Variants in GPR39 observed in about 807,000 individuals in gnomAD.
GPR39 encodes G protein-coupled receptor 39.
In GPR39, 23 loss-of-function variants were observed where a neutral mutation model predicts 18.4. That is an observed-to-expected ratio of 1.25 (90% CI 0.90 to 1.77). GPR39 has a LOEUF of 1.77. Among genes scored for constraint, GPR39 ranks in the 40% most tolerant of loss-of-function variants. The pLI, the probability that GPR39 is intolerant of heterozygous loss-of-function variation, is 0.00. For missense variants in GPR39, 647 were observed against 602.4 expected (o/e 1.07, Z -0.78); for synonymous variants, 280 against 257.9 (o/e 1.09, Z -0.82).
At chr2:132,479,472 T>A (rs982805732) in intron 1 of GPR39, among the ~76,000 whole-genome samples, 7 of 152,148 alleles carry the variant, frequency 4.6e-5, no homozygotes, top group African/African-American at 1.7e-4. Context: ...TATGGAGGAT[T>A]TGTGGAATGA....
rs200534049 is a variant in GPR39, at chr2:132,619,791, C to G, written c.857-25310C>G. 3.3e-5 allele frequency among the ~76,000 whole-genome samples: 5 copies of G among 151,508 alleles called. No individual in the cohort carries two copies. The East Asian group carries it at 9.7e-4, about 29-fold the overall frequency. On this transcript the variant is annotated intron_variant, in intron 1 of 1. Coordinates refer to ENST00000329321, the MANE Select transcript of GPR39 (RefSeq NM_001508.3). ...CCTTGGGGCTCAGCAACCTTTTATC[C>G]AAAGGCTCCTCCCCAACATACACAC...
At chr2:132,617,667 C>G (rs1383525181) in intron 1 of GPR39, among the ~76,000 whole-genome samples, 2 of 151,828 alleles carry the variant, frequency 1.3e-5, no homozygotes, top group African/African-American at 4.8e-5. Flanking sequence ...AAATGTCTTC[C>G]CTAGTTGTTT....
intron 1 of GPR39, among the ~76,000 whole-genome samples, chr2:132,436,727 C>T (rs1451130302): frequency 2.6e-5 from 4 of 152,094 alleles, no homozygotes; most frequent in Admixed American, 6.6e-5. Flanking sequence ...TGGTGCTTGC[C>T]GACTTGTGGG....
At chr2:132,435,692 G>C (rs967773647) in intron 1 of GPR39, among the ~76,000 whole-genome samples, 2 of 152,124 alleles carry the variant, frequency 1.3e-5, no homozygotes, top group African/African-American at 4.8e-5. Context: ...AGAGAACTTG[G>C]TTCTAGTCAT....
intron 1 of GPR39, among the ~76,000 whole-genome samples, chr2:132,468,191 A>C (rs1157057499): frequency 6.6e-6 from 1 of 152,234 alleles, no homozygotes; most frequent in African/African-American, 2.4e-5. Flanking sequence ...AACATATTTC[A>C]AGTACCTGTG....
At chr2:132,535,905 G>A (rs896276552) in intron 1 of GPR39, among the ~76,000 whole-genome samples, 2 of 151,026 alleles carry the variant, frequency 1.3e-5, no homozygotes, top group African/African-American at 4.9e-5. Flanking sequence ...TGGGGTCAGT[G>A]GTGCTATCCC....
intron 1 of GPR39, among the ~76,000 whole-genome samples, chr2:132,493,367 CTA>C (rs545957672): frequency 2.8e-5 from 4 of 143,386 alleles, no homozygotes; most frequent in African/African-American, 7.6e-5. Context: ...CATATATACA[CTA>C]TATATATACA....
intron 1 of GPR39, among the ~76,000 whole-genome samples, chr2:132,639,214 T>C (rs368721353): frequency 6.6e-6 from 1 of 151,500 alleles, no homozygotes; most frequent in African/African-American, 2.4e-5. Context: ...CAAGAAGCAA[T>C]TGCCAAGTAA....
chr2:132,462,711 C>T (rs902168489), intron 1 of GPR39, among the ~76,000 whole-genome samples: 2 of 152,182 alleles, frequency 1.3e-5, no homozygotes, highest in Admixed American at 1.3e-4. Flanking sequence ...AGTCCAGGCT[C>T]AGCCACACAC....
At chr2:132,603,860 G>C (rs1187241010) in intron 1 of GPR39, among the ~76,000 whole-genome samples, 1 of 152,142 alleles carries the variant, frequency 6.6e-6, no homozygotes, top group Non-Finnish European at 1.5e-5. Context: ...GGACAGAAAA[G>C]ACACTGTGTT....
chr2:132,593,092 G>T (rs1053704478), intron 1 of GPR39, among the ~76,000 whole-genome samples: 1 of 152,180 alleles, frequency 6.6e-6, no homozygotes, highest in African/African-American at 2.4e-5. Context: ...GAATTGCATG[G>T]GGTAAAATCT....
chr2:132,619,443 C>A (rs1442926004), intron 1 of GPR39, among the ~76,000 whole-genome samples: 2 of 152,146 alleles, frequency 1.3e-5, no homozygotes, highest in African/African-American at 2.4e-5. Flanking sequence ...GGGGCAGAAC[C>A]TTGTGGCAGG....
chr2:132,645,598 G>A lies in GPR39; in HGVS notation c.1354G>A (p.Glu452Lys), dbSNP rs1423014254. The change falls in exon 2 of 2, where the codon GAA becomes AAA. Residue 452 changes from glutamate to lysine, a missense_variant. Around this residue, in one of 3 missense-constraint regions of GPR39, gnomAD observed 581 missense variants for 506.8 expected, o/e 1.15. Transcript: ENST00000329321. ...TGCAGAGAATGGTTTTCAGGAGCAT[G>A]AAGTTTGAATGTCAAGCGAGGGAGC... ...SAAENGFQEH[E>K]V 6.2e-7 allele frequency: 1 copy of A among 1,610,728 alleles called. No individual in the cohort carries two copies. The highest frequency in any genetic ancestry group is 1.1e-5 in the South Asian group (1 of 90,726).
intron 1 of GPR39, among the ~76,000 whole-genome samples, chr2:132,610,777 CAAAAAAAAAAAA>C (rs34611787): frequency 1.0e-4 from 9 of 88,714 alleles, no homozygotes; most frequent in Non-Finnish European, 1.7e-4. Flanking sequence ...ACTCTGTCTC[CAAAAAAAAAAAA>C]AAAAAAAAAG....
At chr2:132,465,312 C>A (rs1291140678) in intron 1 of GPR39, among the ~76,000 whole-genome samples, 1 of 152,184 alleles carries the variant, frequency 6.6e-6, no homozygotes, top group East Asian at 1.9e-4. Context: ...GCTTCTAAAC[C>A]AGGTGTCGTC....
At chr2:132,577,211 A>G (rs927748167) in intron 1 of GPR39, among the ~76,000 whole-genome samples, 6 of 151,994 alleles carry the variant, frequency 3.9e-5, no homozygotes, top group African/African-American at 7.2e-5. Flanking sequence ...ACAAAAATTA[A>G]CCAGGTGTCG....
intron 1 of GPR39, among the ~76,000 whole-genome samples, chr2:132,615,557 T>C (rs541144891): frequency 2.0e-5 from 3 of 152,222 alleles, no homozygotes; most frequent in Non-Finnish European, 4.4e-5. Context: ...CACAGGGGTG[T>C]AGGCAGGGCC....
At chr2:132,576,107 C>T (rs1184590675) in intron 1 of GPR39, among the ~76,000 whole-genome samples, 1 of 152,098 alleles carries the variant, frequency 6.6e-6, no homozygotes, top group Admixed American at 6.5e-5. Context: ...TTTTTAACAG[C>T]GGTCTGAACA....
intron 1 of GPR39, among the ~76,000 whole-genome samples, chr2:132,607,859 T>C (rs1488130059): frequency 6.6e-6 from 1 of 152,180 alleles, no homozygotes; most frequent in Admixed American, 6.5e-5. Flanking sequence ...GGGTCTTTAA[T>C]AGTAGGGAGG....
Sources: gnomAD v4.1 joint callset for allele counts (sites outside exome capture counted in the v4.1 genomes callset) on GRCh38, gnomAD v4.1.1 for gene constraint, gnomAD v4.1.1 regional missense constraint, MANE v1.5 for transcripts, NCBI Gene and HGNC (gene_info 2026-07-23, HGNC 2026-07-21) for gene names.